Variants in ATG10 observed in about 807,000 individuals in gnomAD.
The protein encoded by ATG10 is ubiquitin-like-conjugating enzyme ATG10.
In ATG10, 30 loss-of-function variants were observed where a neutral mutation model predicts 32.1. The ratio of observed to expected loss-of-function variants is 0.94; its 90% CI spans 0.70 to 1.27. ATG10 has a LOEUF of 1.27. Ranked by LOEUF, ATG10 falls within the 50% of genes most tolerant of loss-of-function variation. The pLI, the probability that ATG10 is intolerant of heterozygous loss-of-function variation, is 0.00. For synonymous variants in ATG10, 87 were observed against 91.5 expected, an observed-to-expected ratio of 0.95 and a Z score of 0.28; for missense variants, 233 against 262.3, an observed-to-expected ratio of 0.89 and a Z score of 0.77.
At chr5:82,007,403 C>T (rs1253069895) in intron 2 of ATG10, among the ~76,000 whole-genome samples, 1 of 152,150 alleles carries the variant, frequency 6.6e-6, no homozygotes, top group East Asian at 1.9e-4. Flanking sequence ...ATAAACCCAA[C>T]TGAATATTTC....
At chr5:82,088,647 G>C (rs979139343) in intron 3 of ATG10, among the ~76,000 whole-genome samples, 1 of 152,104 alleles carries the variant, frequency 6.6e-6, no homozygotes, top group African/African-American at 2.4e-5. Flanking sequence ...AAATTGAAAG[G>C]CTTCGTGTGA....
intron 7 of ATG10, among the ~76,000 whole-genome samples, 173 bp from the exon 8 acceptor site, chr5:82,253,895 G>A (rs1187848856): frequency 1.3e-5 from 2 of 152,142 alleles, no homozygotes; most frequent in Admixed American, 6.5e-5. Flanking sequence ...CTGGTGCCTG[G>A]TGCCAAAAAG....
At chr5:82,224,956 A>T (rs1009383070) in intron 5 of ATG10, among the ~76,000 whole-genome samples, 1 of 152,228 alleles carries the variant, frequency 6.6e-6, no homozygotes, top group Non-Finnish European at 1.5e-5. Flanking sequence ...TATGTATTAT[A>T]AACTACAAAC....
chr5:82,073,920 G>A (rs72776849), intron 3 of ATG10, among the ~76,000 whole-genome samples: 3,993 of 152,248 alleles, frequency 0.026, 78 homozygotes, highest in Middle Eastern at 0.044. Flanking sequence ...TGTGTGAGTA[G>A]AATGGTGAGT....
chr5:82,111,904 A>G (rs1468461876), intron 3 of ATG10, among the ~76,000 whole-genome samples: 1 of 152,040 alleles, frequency 6.6e-6, no homozygotes, highest in Non-Finnish European at 1.5e-5. Flanking sequence ...GTGTTCATAT[A>G]TCTGTTTTGT....
At chr5:82,115,532 A>G (rs1765777285) in intron 3 of ATG10, among the ~76,000 whole-genome samples, 1 of 152,094 alleles carries the variant, frequency 6.6e-6, no homozygotes, top group Non-Finnish European at 1.5e-5. Context: ...CAGGTCATAC[A>G]GTCTCGCCTT....
chr5:82,178,422 T>C, intron 4 of ATG10, 68 bp from the exon 5 acceptor site: 1 of 934,950 alleles, frequency 1.1e-6, no homozygotes, highest in Non-Finnish European at 1.7e-6. Context: ...CCAGGAGTTT[T>C]AGATTGACAC....
chr5:82,150,131 G>A (rs1171249600), intron 3 of ATG10, among the ~76,000 whole-genome samples: 1 of 150,500 alleles, frequency 6.6e-6, no homozygotes, highest in Admixed American at 6.8e-5. Flanking sequence ...TCAGTAGTCT[G>A]CTATAGAGGC....
intron 3 of ATG10, among the ~76,000 whole-genome samples, chr5:82,118,262 C>T (rs1284228183): frequency 1.3e-5 from 2 of 149,102 alleles, no homozygotes; most frequent in Middle Eastern, 3.5e-3. Flanking sequence ...CTGTCTTCTT[C>T]ACTAAGCTGA....
intron 5 of ATG10, among the ~76,000 whole-genome samples, chr5:82,197,490 A>G (rs989186165): frequency 2.6e-5 from 4 of 151,556 alleles, no homozygotes; most frequent in African/African-American, 9.7e-5. Flanking sequence ...CTACCTACCT[A>G]CCTACCTACC....
At chr5:82,154,616 C>A (rs888458101) in intron 3 of ATG10, among the ~76,000 whole-genome samples, 1 of 152,132 alleles carries the variant, frequency 6.6e-6, no homozygotes, top group Non-Finnish European at 1.5e-5. Context: ...TATTATGCTT[C>A]TCTGAAGTCT....
At chr5:82,137,853 A>G (rs1039514266) in intron 3 of ATG10, among the ~76,000 whole-genome samples, 1 of 152,112 alleles carries the variant, frequency 6.6e-6, no homozygotes, top group East Asian at 1.9e-4. Flanking sequence ...TCCCAGAGAG[A>G]TGGGAGTTTT....
intron 5 of ATG10, among the ~76,000 whole-genome samples, chr5:82,247,850 A>T (rs1747094891): frequency 6.6e-6 from 1 of 151,214 alleles, no homozygotes; most frequent in Admixed American, 6.6e-5. Flanking sequence ...TTATCTGCAG[A>T]TTTTTTTTCC....
chr5:82,127,186 T>A (rs563698700), intron 3 of ATG10, among the ~76,000 whole-genome samples: 4 of 152,202 alleles, frequency 2.6e-5, no homozygotes, highest in African/African-American at 9.6e-5. Flanking sequence ...TTCTTTATTA[T>A]TCTGGCTAGC....
chr5:82,217,693 G>T (rs1014136404), intron 5 of ATG10, among the ~76,000 whole-genome samples: 2 of 151,786 alleles, frequency 1.3e-5, no homozygotes, highest in Admixed American at 1.3e-4. Context: ...CAAAACAGCT[G>T]GCCATGTGTG....
intron 3 of ATG10, among the ~76,000 whole-genome samples, chr5:82,145,347 C>T (rs1044336402): frequency 6.6e-6 from 1 of 151,796 alleles, no homozygotes; most frequent in Non-Finnish European, 1.5e-5. Flanking sequence ...TCTTTCCTGT[C>T]TTCTTTTGGA....
intron 3 of ATG10, among the ~76,000 whole-genome samples, chr5:82,103,095 T>G (rs1158057743): frequency 6.6e-6 from 1 of 152,208 alleles, no homozygotes; most frequent in Non-Finnish European, 1.5e-5. Context: ...GCCAACTTTC[T>G]TCTACCACTT....
intron 2 of ATG10, among the ~76,000 whole-genome samples, chr5:82,020,225 G>C (rs1762399222): frequency 6.6e-6 from 1 of 152,214 alleles, no homozygotes; most frequent in Non-Finnish European, 1.5e-5. Flanking sequence ...AGGCTTTTCT[G>C]AGTAAGAGCA....
In ATG10 at chr5:82,200,836, G is replaced by A. The variant is rs190939217; in HGVS notation, c.453+22249G>A. 1.5e-4 allele frequency among the ~76,000 whole-genome samples: 22 copies of A among 150,084 alleles called. No individual in the cohort carries two copies. The East Asian group carries it at 2.1e-3, about 15-fold the overall frequency. On this transcript the variant is annotated intron_variant, in intron 5 of 7. Transcript: ENST00000282185. ...TTCACAGAGTGAGAGTTTTTAATTT[G>A]TATGAAGTCCAATTTATTTAAAAAT...
Sources: allele counts gnomAD v4.1 joint callset (sites outside exome capture counted in the v4.1 genomes callset), GRCh38; gene constraint gnomAD v4.1.1; transcripts MANE v1.5; gene names NCBI Gene and HGNC (gene_info 2026-07-23, HGNC 2026-07-21).